Variants in NDC1 observed in about 807,000 individuals in gnomAD.
The protein encoded by NDC1 is nucleoporin NDC1.
In NDC1, 24 loss-of-function variants were observed where a neutral mutation model predicts 89.8. That is an observed-to-expected ratio of 0.27 (90% confidence interval 0.19 to 0.38). NDC1 has a LOEUF of 0.38. Among genes scored for constraint, NDC1 ranks in the 10% least tolerant of loss-of-function variants. The pLI is 1.00. For synonymous variants in NDC1, 296 were observed against 284.8 expected (o/e 1.04, Z -0.39); for missense variants, 728 against 797.6 (o/e 0.91, Z 1.05).
intron 1 of NDC1, among the ~76,000 whole-genome samples, 166 bp downstream of exon 1, chr1:53,838,039 G>C (rs1456252591): frequency 6.6e-6 from 1 of 152,160 alleles, no homozygotes; most frequent in Non-Finnish European, 1.5e-5. Flanking sequence ...TTCCACTCAG[G>C]ACTTCCCACA....
chr1:53,821,347 G>A (rs1267802330), intron 5 of NDC1, among the ~76,000 whole-genome samples: 1 of 152,154 alleles, frequency 6.6e-6, no homozygotes, highest in African/African-American at 2.4e-5. Context: ...GGAAGGCTGA[G>A]CTGGGAGGAC....
intron 16 of NDC1, among the ~76,000 whole-genome samples, chr1:53,782,175 T>C (rs982723490): frequency 6.6e-6 from 1 of 151,966 alleles, no homozygotes; most frequent in African/African-American, 2.4e-5. Context: ...GAAAATAAGA[T>C]ATATTTGGTG....
At chr1:53,791,282 G>A (rs1489536872) in intron 14 of NDC1, among the ~76,000 whole-genome samples, 1 of 152,098 alleles carries the variant, frequency 6.6e-6, no homozygotes, top group African/African-American at 2.4e-5. Flanking sequence ...AGCCAGGCGT[G>A]GTGGCAGGTG....
chr1:53,810,820 A>T (rs1414910468), intron 6 of NDC1, among the ~76,000 whole-genome samples: 1 of 152,222 alleles, frequency 6.6e-6, no homozygotes, highest in African/African-American at 2.4e-5. Context: ...CAGCTTGCAG[A>T]TGCTTGTGTT....
intron 13 of NDC1, among the ~76,000 whole-genome samples, chr1:53,794,957 T>C (rs1274198515): frequency 6.6e-6 from 1 of 152,132 alleles, no homozygotes; most frequent in Admixed American, 6.6e-5. Flanking sequence ...TTACAACAAA[T>C]TCCTTGAAAA....
At chr1:53,836,723 G>A (rs578155457) in intron 1 of NDC1, among the ~76,000 whole-genome samples, 2 of 151,866 alleles carry the variant, frequency 1.3e-5, no homozygotes, top group Admixed American at 1.3e-4. Context: ...TCCCACCTCA[G>A]CCTCCCAAAG....
chr1:53,836,451 CAAAA>C (rs1245566049), intron 1 of NDC1, among the ~76,000 whole-genome samples: 1 of 94,160 alleles, frequency 1.1e-5, no homozygotes. Context: ...CTCTGTCTAA[CAAAA>C]AAAAAAAAAA....
chr1:53,797,105 G>C lies in NDC1; in HGVS notation c.1262C>G (p.Pro421Arg), dbSNP rs1473348388. The C allele has an allele frequency of 6.2e-7, 1 of 1,614,158 alleles. No homozygotes were observed. The change falls in exon 12 of 18, where the codon CCT becomes CGT. Residue 421 changes from proline to arginine, a missense_variant. By Grantham distance (103) the Pro-to-Arg change is moderately radical (BLOSUM62 -2). Coordinates refer to ENST00000371429, the MANE Select transcript of NDC1 (RefSeq NM_018087.5). ...AACTAATGGTGGCACTGAAGGCCGA[G>C]GCATCTGGCTAGATTTTGGTGTCTG... ...AFQTPKSSQMPRPSVPPLVKT... is the reference protein window; with the variant it reads ...AFQTPKSSQMRRPSVPPLVKT...
chr1:53,808,697 T>G (rs1648197334), intron 7 of NDC1, among the ~76,000 whole-genome samples: 1 of 152,222 alleles, frequency 6.6e-6, no homozygotes, highest in Non-Finnish European at 1.5e-5. Flanking sequence ...TTGTTAAATT[T>G]CTATCAAATG....
intron 3 of NDC1, among the ~76,000 whole-genome samples, chr1:53,831,440 G>A (rs1181172): frequency 0.1 from 15,426 of 151,852 alleles, 2,457 homozygotes; most frequent in African/African-American, 0.34. Context: ...GCACTTGGGA[G>A]GCCGAGGGCA....
rs1190963538 is a variant in NDC1 at position 53,767,245 on chromosome 1, T to G, written c.*725A>C. 2.0e-5 allele frequency: 3 copies of G among 152,220 alleles called. No individual in the cohort carries two copies. The highest frequency in any genetic ancestry group is 6.5e-5 in the Admixed American group (1 of 15,274). The allele number at this position is 152,220 out of a possible 1,614,324, so 9.4% of individuals were successfully genotyped here. A position where few individuals can be genotyped will look rare whatever the true frequency, so the allele number is the denominator to read the frequency against. ...AAAATACCCATACATTAATACTTCGTGTTTACTAGCATGATACAAAATAAA... is the reference window on the plus strand; with the variant it reads ...AAAATACCCATACATTAATACTTCGGGTTTACTAGCATGATACAAAATAAA... On this transcript the variant is annotated 3_prime_UTR_variant, in exon 18 of 18. Transcript: ENST00000371429.
intron 10 of NDC1, among the ~76,000 whole-genome samples, chr1:53,801,089 C>CAA (rs1285394411): frequency 4.3e-4 from 44 of 101,624 alleles, no homozygotes; most frequent in African/African-American, 9.6e-4. Flanking sequence ...ACACACATAC[C>CAA]AAAAAAAAAA....
intron 9 of NDC1, among the ~76,000 whole-genome samples, chr1:53,806,219 T>C (rs956112115): frequency 6.6e-6 from 1 of 152,256 alleles, no homozygotes; most frequent in East Asian, 1.9e-4. Context: ...CTTATACACA[T>C]ACACTGTACT....
intron 5 of NDC1, among the ~76,000 whole-genome samples, chr1:53,819,439 C>T (rs766801030): frequency 9.9e-5 from 15 of 152,160 alleles, no homozygotes; most frequent in Non-Finnish European, 1.9e-4. Context: ...AAGCACTTTA[C>T]ATATTTGAAT....
intron 2 of NDC1, among the ~76,000 whole-genome samples, chr1:53,834,072 C>T (rs1270153148): frequency 6.6e-6 from 1 of 152,178 alleles, no homozygotes. Context: ...GGTGAGCCAC[C>T]ACACTCGGCC....
intron 2 of NDC1, among the ~76,000 whole-genome samples, chr1:53,833,438 G>A (rs12074987): frequency 0.012 from 1,799 of 152,052 alleles, 34 homozygotes; most frequent in African/African-American, 0.041. Flanking sequence ...ACCCAGCCAC[G>A]CATATGCAAA....
intron 5 of NDC1, among the ~76,000 whole-genome samples, chr1:53,822,011 T>C (rs189328022): frequency 6.6e-6 from 1 of 152,324 alleles, no homozygotes; most frequent in East Asian, 1.9e-4. Context: ...TGTTTTCATC[T>C]TTTTTATTAT....
At chr1:53,802,956 A>G (rs945275082) in intron 10 of NDC1, among the ~76,000 whole-genome samples, 3 of 152,164 alleles carry the variant, frequency 2.0e-5, no homozygotes, top group African/African-American at 2.4e-5. Context: ...TCTTATTCCA[A>G]TTCTGACATT....
chr1:53,805,336 T>C (rs1348538615), intron 9 of NDC1, among the ~76,000 whole-genome samples: 1 of 152,160 alleles, frequency 6.6e-6, no homozygotes, highest in Non-Finnish European at 1.5e-5. Flanking sequence ...CTCAAGTAGC[T>C]GGGACCACAG....
Sources: allele counts gnomAD v4.1 joint callset (sites outside exome capture counted in the v4.1 genomes callset), GRCh38; gene constraint gnomAD v4.1.1; transcripts MANE v1.5; gene names NCBI Gene and HGNC (gene_info 2026-07-23, HGNC 2026-07-21).